ANO7: variants seen among roughly 807,000 people sequenced by gnomAD.
The protein encoded by ANO7 is anoctamin 7, also known as anoctamin-7.
A neutral mutation model predicts 115.8 loss-of-function variants in ANO7; 114 were observed. The ratio of observed to expected loss-of-function variants is 0.98; its 90% CI spans 0.85 to 1.15. ANO7 has a LOEUF of 1.15. Ranked by LOEUF, ANO7 falls within the 50% of genes most tolerant of loss-of-function variation. The probability of loss-of-function intolerance (pLI) is 0.00; values close to 1 mark genes in which losing one functional copy is unlikely to be tolerated. For synonymous variants in ANO7, 550 were observed against 498.2 expected (o/e 1.10, Z -1.38); for missense variants, 1,302 against 1,201.2 (o/e 1.08, Z -1.24).
chr2:241,222,114 G>T (rs2069035948), intron 21 of ANO7, among the ~76,000 whole-genome samples: 1 of 151,922 alleles, frequency 6.6e-6, no homozygotes, highest in Admixed American at 6.6e-5. Context: ...CGGGCCTGTA[G>T]TCCCAGCTAC....
chr2:241,232,275 C>CT, the ANO7 span, among the ~76,000 whole-genome samples: 30,383 of 143,448 alleles, frequency 0.21, 3,727 homozygotes, highest in East Asian at 0.64. Flanking sequence ...TAAACAATGA[C>CT]TTTTTTTTTT....
the ANO7 span, chr2:241,236,084 C>G: frequency 5.2e-6 from 1 of 191,056 alleles, no homozygotes; most frequent in Non-Finnish European, 1.1e-5. Context: ...CCTCCAGAAC[C>G]TGCTTTCTTG....
In ANO7 at chr2:241,217,787, A is replaced by T. The variant is rs148168957; in HGVS notation, c.2074A>T (p.Lys692Ter). The T allele has an allele frequency of 8.6e-5, 139 of 1,610,322 alleles. No homozygotes were observed. The highest frequency in any genetic ancestry group is 1.2e-4 in the Non-Finnish European group (137 of 1,178,984). ...NWVEIRLDAR[K>*]FVCEYRRPVA... The stretch of plus-strand genomic sequence containing the variant: ...GGTGGAGATCCGCTTGGACGCGCGC[A>T]AGTTCGTCTGCGAGTACCGGCGCCC... The change falls in exon 20 of 25, where the codon AAG (lysine) becomes TAG (stop). Residue 692 changes from lysine to a stop codon, truncating the protein, a stop_gained. Coordinates refer to ENST00000674324, the MANE Select transcript of ANO7 (RefSeq NM_001370694.2). LOFTEE classifies it high-confidence loss of function.
chr2:241,196,533 G>A (rs182448037), intron 4 of ANO7, among the ~76,000 whole-genome samples: 3 of 152,338 alleles, frequency 2.0e-5, no homozygotes, highest in East Asian at 1.9e-4. Context: ...CAGAGTAATC[G>A]ATCCTGAGTT....
the ANO7 span, among the ~76,000 whole-genome samples, chr2:241,238,031 A>G: frequency 1.3e-5 from 2 of 152,216 alleles, no homozygotes; most frequent in African/African-American, 2.4e-5. This position sits in a 1 kb window ranked among gnomAD's most constrained non-coding sequence, Gnocchi z 4.9. Context: ...CTGATAACAC[A>G]GAGTGGAGGG....
chr2:241,231,844 A>G, the ANO7 span, among the ~76,000 whole-genome samples: 1 of 152,150 alleles, frequency 6.6e-6, no homozygotes, highest in Non-Finnish European at 1.5e-5. Context: ...GGCGAAAACA[A>G]CATGTCCACA....
intron 21 of ANO7, among the ~76,000 whole-genome samples, chr2:241,219,491 C>A (rs944373686): frequency 7.3e-5 from 11 of 151,412 alleles, no homozygotes; most frequent in Non-Finnish European, 1.6e-4. Context: ...TATTATTATT[C>A]TTTTGCTTAT....
chr2:241,214,690 G>A, intron 17 of ANO7, 115 bp from the exon 18 acceptor site: 2 of 881,394 alleles, frequency 2.3e-6, no homozygotes, highest in Non-Finnish European at 3.5e-6. Context: ...AGGTGCCCAA[G>A]GCATGTCAGG....
chr2:241,218,979 G>A (rs981712018), intron 21 of ANO7, among the ~76,000 whole-genome samples: 2 of 152,194 alleles, frequency 1.3e-5, no homozygotes, highest in African/African-American at 4.8e-5. Context: ...AGGTGGTGGC[G>A]CCAAGGTCAT....
At chr2:241,218,410 G>A in intron 21 of ANO7, 29 bp downstream of exon 21, 3 of 1,298,542 alleles carry the variant, frequency 2.3e-6, no homozygotes, top group East Asian at 6.5e-5. Context: ...GGAGGGGGCC[G>A]CGGGCGCACG....
At chr2:241,212,859 A>G (rs970475909) in intron 17 of ANO7, 1 of 518,128 alleles carries the variant, frequency 1.9e-6, no homozygotes. Flanking sequence ...CAGGCCGGGC[A>G]CAGTGGCTCA....
In ANO7 at chr2:241,224,232, T is replaced by C; in HGVS notation, c.*79T>C. ...CGAGCAGCGTCCTTTTCCTCTTCCC[T>C]CAGGCAGCGGCTGTGTGAACCGCTG... On this transcript the variant is annotated 3_prime_UTR_variant, in exon 25 of 25. Coordinates refer to ENST00000674324, the MANE Select transcript of ANO7 (RefSeq NM_001370694.2). The C allele has an allele frequency of 6.6e-7, 1 of 1,510,902 alleles. No individual in the cohort carries two copies. Among genetic ancestry groups the C allele is most frequent in the Admixed American group, 1.8e-5 (1 of 56,590 alleles). 93.6% of individuals were successfully genotyped at this position (1,510,902 alleles called of 1,614,324 possible).
chr2:241,190,251 G>C, intron 2 of ANO7, 80 bp downstream of exon 2: 7 of 1,256,730 alleles, frequency 5.6e-6, no homozygotes, highest in Non-Finnish European at 6.6e-6. Flanking sequence ...TGGGCCCAGA[G>C]CCTCTGGGGG....
intron 17 of ANO7, among the ~76,000 whole-genome samples, chr2:241,214,114 G>A (rs532180369): frequency 1.3e-5 from 2 of 152,132 alleles, no homozygotes; most frequent in African/African-American, 2.4e-5. Context: ...GTGAAATCCC[G>A]TCTCTACTAA....
intron 3 of ANO7, among the ~76,000 whole-genome samples, chr2:241,192,271 A>G (rs1009316286): frequency 5.9e-5 from 9 of 152,158 alleles, no homozygotes; most frequent in Non-Finnish European, 1.3e-4. Flanking sequence ...GTAGCGGTGA[A>G]CCGAGGTCGC....
chr2:241,188,695 C>A lies in ANO7; in HGVS notation c.-79C>A, dbSNP rs764854526. 12 of 1,613,490 alleles carry A rather than the reference C, an allele frequency of 7.4e-6. No individual in the cohort carries two copies. Among genetic ancestry groups the A allele is most frequent in the Admixed American group, 3.3e-5 (2 of 59,994 alleles). On this transcript the variant is annotated 5_prime_UTR_variant, in exon 1 of 25. It adds an upstream start codon to the 5' untranslated region. Transcript: ENST00000674324. The surrounding 1 kb of genome is among the most constrained non-coding windows in gnomAD (Gnocchi z 4.3). ...GTCCCGCAGTGAGGACGGGACTCTACTGCCGAGACCAGGCTCACGCTGAGA... is the reference window on the plus strand; with the variant it reads ...GTCCCGCAGTGAGGACGGGACTCTAATGCCGAGACCAGGCTCACGCTGAGA...
At chr2:241,199,939 C>T in intron 5 of ANO7, 150 bp from the exon 6 acceptor site, 1 of 858,522 alleles carries the variant, frequency 1.2e-6, no homozygotes, top group Non-Finnish European at 1.8e-6. Flanking sequence ...AGGGGCTCAC[C>T]TGGGCCCTCA....
At chr2:241,229,479 C>T (rs2069455175), downstream of ANO7, 9 of 741,310 alleles carry the variant, frequency 1.2e-5, no homozygotes, top group South Asian at 9.0e-5. Flanking sequence ...TGCGGGACCT[C>T]GGGAAGGGGG....
In ANO7 at chr2:241,209,106, G is replaced by A. The variant is rs181725526; in HGVS notation, c.1078-179G>A. Among the ~76,000 whole-genome samples the A allele has an allele frequency of 3.3e-4, 50 of 152,304 alleles. No individual in the cohort carries two copies. The Middle Eastern group carries it at 0.01, about 31-fold the overall frequency. On this transcript the variant is annotated intron_variant, in intron 11 of 24. Coordinates refer to ENST00000674324, the MANE Select transcript of ANO7 (RefSeq NM_001370694.2). ...GAAGCGTGCAGTGAGCCGAGATCGC[G>A]CCACTGCACTCCAGCCTGGGTGACA...
Sources: gnomAD v4.1 joint callset for allele counts (sites outside exome capture counted in the v4.1 genomes callset) on GRCh38, gnomAD v4.1.1 for gene constraint, Gnocchi (gnomAD v3.1) non-coding constraint, MANE v1.5 for transcripts, NCBI Gene and HGNC (gene_info 2026-07-23, HGNC 2026-07-21) for gene names.